Variants in CEP350 observed in about 807,000 individuals in gnomAD.
The protein encoded by CEP350 is centrosomal protein 350, also known as centrosome-associated protein 350.
Under a neutral mutation model 331.8 loss-of-function variants are expected in CEP350, and 126 were observed. The observed-to-expected ratio is 0.38, with a 90% CI of 0.33 to 0.44. CEP350 has a LOEUF of 0.44. Among genes scored for constraint, CEP350 ranks in the 20% least tolerant of loss-of-function variants. CEP350 has a pLI of 1.00. For synonymous variants in CEP350, 1,200 were observed against 1,259.5 expected, an observed-to-expected ratio of 0.95 and a Z score of 1.00; for missense variants, 3,406 against 3,634.6, an observed-to-expected ratio of 0.94 and a Z score of 1.62.
chr1:180,032,534 A>G (rs1170744072), intron 15 of CEP350, among the ~76,000 whole-genome samples: 1 of 152,076 alleles, frequency 6.6e-6, no homozygotes, highest in African/African-American at 2.4e-5. Context: ...CCATACTGCA[A>G]TCTAGATTTC....
chr1:180,097,606 G>A (rs1442244271), intron 36 of CEP350, among the ~76,000 whole-genome samples: 2 of 152,070 alleles, frequency 1.3e-5, no homozygotes, highest in African/African-American at 4.8e-5. Flanking sequence ...ATAACATTAA[G>A]TTGAGGTAAG....
At chr1:180,001,323 A>G (rs1012169250) in intron 6 of CEP350, among the ~76,000 whole-genome samples, 13 of 152,148 alleles carry the variant, frequency 8.5e-5, no homozygotes, top group African/African-American at 3.1e-4. Context: ...CAGTGGCATA[A>G]TCTCAGCTCA....
chr1:180,016,782 T>C (rs1655009707), intron 11 of CEP350, among the ~76,000 whole-genome samples: 1 of 150,326 alleles, frequency 6.7e-6, no homozygotes, highest in Non-Finnish European at 1.5e-5. Flanking sequence ...TTGCCTCAAC[T>C]TCCCACGTAG....
chr1:179,954,912 G>A lies in CEP350; in HGVS notation c.-244G>A. 1 of 657,712 alleles carries A rather than the reference G, an allele frequency of 1.5e-6. No individual in the cohort carries two copies. 40.7% of individuals were successfully genotyped at this position (657,712 alleles called of 1,614,324 possible). Reference sequence around the variant, plus strand: ...CCAGAGAGAACTGCAGGGAGCCGCAGCTCGGGGGGTGGCTTGCCCTGAGGG... The same window carrying A: ...CCAGAGAGAACTGCAGGGAGCCGCAACTCGGGGGGTGGCTTGCCCTGAGGG... On this transcript the variant is annotated 5_prime_UTR_variant, in exon 1 of 38. Coordinates refer to ENST00000367607, the MANE Select transcript of CEP350 (RefSeq NM_014810.5).
Position 180,062,289 on chromosome 1 carries a change from C to G in CEP350, c.5332C>G (p.Gln1778Glu). Residue 1778 changes from glutamine to glutamate, a missense_variant, in exon 26 of 38, where the codon CAG becomes GAG. Transcript: ENST00000367607. ...RKERQLILKQ[Q>E]EEIEKIRQTT... ...GGAAAGACAGCTGATTCTTAAACAG[C>G]AGGAGGAGATAGAAAAGATCCGACA... 6.2e-7 allele frequency: 1 copy of G among 1,610,596 alleles called. No homozygotes were observed. Among genetic ancestry groups the G allele is most frequent in the Middle Eastern group, 1.7e-4 (1 of 6,058 alleles).
In CEP350 at chr1:179,955,059, G is replaced by C; in HGVS notation, c.-97G>C. The C allele has an allele frequency of 1.4e-6, 2 of 1,410,840 alleles. No homozygotes were observed. Among genetic ancestry groups the C allele is most frequent in the Non-Finnish European group, 1.8e-6 (2 of 1,084,266 alleles). The allele number at this position is 1,410,840 out of a possible 1,614,324, so 87.4% of individuals were successfully genotyped here. ...GGAGGCCAGGCCGGGCAGCCCTGGG[G>C]CCGGTCGGGGCGGCGTCACTGCACC... On this transcript the variant is annotated 5_prime_UTR_variant, in exon 1 of 38. Coordinates refer to ENST00000367607, the MANE Select transcript of CEP350 (RefSeq NM_014810.5).
chr1:180,069,517 G>A (rs1308589248), intron 27 of CEP350, among the ~76,000 whole-genome samples: 1 of 152,146 alleles, frequency 6.6e-6, no homozygotes. Context: ...TAGTCTATGT[G>A]TAGTAGCTGA....
chr1:180,093,869 T>C lies in CEP350; in HGVS notation c.7764T>C (p.Tyr2588=), dbSNP rs1210560943. Residue 2588 remains tyrosine, a synonymous_variant, in exon 34 of 38, where the codon TAT becomes TAC. Coordinates refer to ENST00000367607, the MANE Select transcript of CEP350 (RefSeq NM_014810.5). The stretch of plus-strand genomic sequence containing the variant: ...AAGACTGTTACTCAGATGAACGATA[T>C]CAGTGCTATAATCAAGAGCAAAATG... The part of the protein sequence containing the change: ...EDEDCYSDER[Y]QCYNQEQNDT... 1.9e-6 allele frequency: 3 copies of C among 1,613,818 alleles called. No individual in the cohort carries two copies. Among genetic ancestry groups the C allele is most frequent in the Admixed American group, 1.7e-5 (1 of 60,006 alleles).
At chr1:180,026,630 G>C (rs1655695154) in intron 14 of CEP350, among the ~76,000 whole-genome samples, 1 of 152,020 alleles carries the variant, frequency 6.6e-6, no homozygotes, top group Non-Finnish European at 1.5e-5. Flanking sequence ...CCATTCTTCT[G>C]TCCATCAGCC....
At chr1:180,039,591 A>G (rs564639109) in intron 17 of CEP350, among the ~76,000 whole-genome samples, 3 of 102,406 alleles carry the variant, frequency 2.9e-5, no homozygotes, top group East Asian at 5.7e-4. Context: ...GTGTAGATCT[A>G]TTTCTAGACT....
At chr1:179,967,466 C>T (rs939790304) in intron 1 of CEP350, among the ~76,000 whole-genome samples, 2 of 152,168 alleles carry the variant, frequency 1.3e-5, no homozygotes, top group African/African-American at 4.8e-5. Context: ...GGAGGGAGTA[C>T]AGTAGCGTGA....
chr1:180,022,571 A>G, intron 12 of CEP350, 127 bp from the exon 13 acceptor site: 1 of 690,148 alleles, frequency 1.4e-6, no homozygotes, highest in Non-Finnish European at 2.4e-6. Context: ...GTAAATAGAA[A>G]AGAGGCACTA....
chr1:179,967,095 A>G (rs1239307796), intron 1 of CEP350, among the ~76,000 whole-genome samples: 1 of 152,218 alleles, frequency 6.6e-6, no homozygotes, highest in Non-Finnish European at 1.5e-5. Context: ...CTTAGACTAT[A>G]CTTTATACAA....
At chr1:180,032,024 C>G (rs774655621) in intron 15 of CEP350, among the ~76,000 whole-genome samples, 20 of 152,088 alleles carry the variant, frequency 1.3e-4, no homozygotes, top group Admixed American at 1.3e-4. Context: ...TTCTGCTGAA[C>G]TTACTAGACC....
At chr1:179,978,477 A>G (rs1034116502) in intron 1 of CEP350, among the ~76,000 whole-genome samples, 4 of 152,154 alleles carry the variant, frequency 2.6e-5, no homozygotes, top group African/African-American at 9.7e-5. Context: ...ATAGAACACT[A>G]GAACTTATTC....
At chr1:180,038,505 A>G (rs540494061) in intron 17 of CEP350, among the ~76,000 whole-genome samples, 1 of 152,350 alleles carries the variant, frequency 6.6e-6, no homozygotes, top group South Asian at 2.1e-4. Flanking sequence ...CTCTTGTAAT[A>G]TATAGGAGAA....
At chr1:180,036,586 A>G (rs906821026) in intron 16 of CEP350, among the ~76,000 whole-genome samples, 3 of 152,232 alleles carry the variant, frequency 2.0e-5, no homozygotes, top group African/African-American at 7.2e-5. Context: ...TAAGATGATC[A>G]TTAGCATTTT....
chr1:180,001,618 T>G (rs987655576), intron 6 of CEP350, among the ~76,000 whole-genome samples: 3 of 152,206 alleles, frequency 2.0e-5, no homozygotes, highest in Non-Finnish European at 4.4e-5. Flanking sequence ...AAATCCCATA[T>G]GTGTAAGGTT....
At chr1:180,108,438 T>A (rs1350031641) in intron 37 of CEP350, among the ~76,000 whole-genome samples, 1 of 151,922 alleles carries the variant, frequency 6.6e-6, no homozygotes, top group Non-Finnish European at 1.5e-5. Context: ...AGGTGGAGGT[T>A]ACAGTGAGCT....
Sources: allele counts gnomAD v4.1 joint callset (sites outside exome capture counted in the v4.1 genomes callset), GRCh38; gene constraint gnomAD v4.1.1; transcripts MANE v1.5; gene names NCBI Gene and HGNC (gene_info 2026-07-23, HGNC 2026-07-21).